The following C4orf50 variants were observed in gnomAD, a reference collection of about 807,000 sequenced individuals.
C4orf50 encodes chromosome 4 open reading frame 50.
C4orf50 carries 80 observed loss-of-function variants against 77.2 expected under a neutral mutation model. The ratio of observed to expected loss-of-function variants is 1.04; its 90% confidence interval spans 0.87 to 1.25. C4orf50 has a LOEUF of 1.25. Among genes scored for constraint, C4orf50 ranks in the 50% most tolerant of loss-of-function variants. The pLI is 0.00. For synonymous variants in C4orf50, 532 were observed against 465.3 expected (o/e 1.14, Z -1.84); for missense variants, 1,257 against 1,152.9 (o/e 1.09, Z -1.31).
intron 31 of C4orf50, 74 bp from the exon 10 acceptor site, chr4:5,967,536 G>A: frequency 7.5e-7 from 1 of 1,331,924 alleles, no homozygotes; most frequent in South Asian, 1.2e-5. Context: ...GACTGCAATT[G>A]GACCAAGCAG....
At position 5,970,163 on chromosome 4, in the gene C4orf50, G is replaced by A. The variant is rs1395121309; in HGVS notation, c.4105-2701C>T. Among the ~76,000 whole-genome samples, 10 of 149,562 alleles carry A rather than the reference G, an allele frequency of 6.7e-5. No individual in the cohort carries two copies. Among genetic ancestry groups the A allele is most frequent in the African/African-American group, 1.7e-4 (7 of 40,724 alleles). On this transcript the variant is annotated intron_variant, in intron 31 of 33. Transcript: ENST00000531445. The surrounding 1 kb of genome is among the most constrained non-coding windows in gnomAD (Gnocchi z 4.3). ...CAAAACACAGGAAAAAAAAAAAAAG[G>A]CCCACTGGGGCTAGGGGTCGGGGGG...
At chr4:5,931,976 G>A (rs1033310134) in intron 7 of C4orf50, among the ~76,000 whole-genome samples, 1 of 152,132 alleles carries the variant, frequency 6.6e-6, no homozygotes, top group East Asian at 1.9e-4. Context: ...GGAGAAGACA[G>A]GCAATGTCAC....
chr4:6,002,889 C>T (rs1018720801), intron 25 of C4orf50, among the ~76,000 whole-genome samples: 10 of 152,244 alleles, frequency 6.6e-5, no homozygotes, highest in Admixed American at 3.9e-4. Flanking sequence ...GAGCCTTCTG[C>T]CTCCTCTATG....
downstream of C4orf50, among the ~76,000 whole-genome samples, chr4:5,952,506 C>A (rs372674596): frequency 1.3e-5 from 2 of 152,168 alleles, no homozygotes; most frequent in African/African-American, 4.8e-5. This position sits in a 1 kb window ranked among gnomAD's most constrained non-coding sequence, Gnocchi z 4.4. Flanking sequence ...GTCTCTGGCC[C>A]CAGGCGGCAC....
At chr4:5,922,972 A>G (rs1201389340) in intron 7 of C4orf50, among the ~76,000 whole-genome samples, 1 of 152,160 alleles carries the variant, frequency 6.6e-6, no homozygotes, top group Non-Finnish European at 1.5e-5. Flanking sequence ...AGTAATCATC[A>G]TTCTAAACAT....
At chr4:5,931,589 G>A (rs544480023) in intron 7 of C4orf50, among the ~76,000 whole-genome samples, 6 of 152,190 alleles carry the variant, frequency 3.9e-5, no homozygotes, top group East Asian at 1.9e-4. Flanking sequence ...ATGTTTCCAC[G>A]CTCCAAACAC....
chr4:5,973,621 C>A, intron 31 of C4orf50, 38 bp downstream of exon 9: 1 of 1,561,170 alleles, frequency 6.4e-7, no homozygotes, highest in Middle Eastern at 1.7e-4. Context: ...CCCACACTCC[C>A]ATAGGAAGCA....
exon 34 of C4orf50, chr4:5,959,226 A>G: frequency 7.5e-6 from 7 of 929,406 alleles, no homozygotes; most frequent in Non-Finnish European, 8.1e-6. Context: ...AGCTCTGACA[A>G]TGAACACAAA....
intron 7 of C4orf50, among the ~76,000 whole-genome samples, chr4:5,912,496 C>A (rs1716852854): frequency 6.6e-6 from 1 of 152,154 alleles, no homozygotes; most frequent in South Asian, 2.1e-4. Flanking sequence ...AAATTACTTT[C>A]AAGGAAATGT....
intron 7 of C4orf50, among the ~76,000 whole-genome samples, chr4:5,922,582 AG>A (rs1717326800): frequency 6.6e-6 from 1 of 152,184 alleles, no homozygotes; most frequent in Admixed American, 6.5e-5. Context: ...TCTGCAGAAG[AG>A]GGCTTCGGGG....
At chr4:5,943,301 T>C (rs1718342120) in intron 7 of C4orf50, among the ~76,000 whole-genome samples, 2 of 152,216 alleles carry the variant, frequency 1.3e-5, no homozygotes, top group African/African-American at 2.4e-5. Context: ...CATGGTTCTG[T>C]TTCTTTGCAT....
rs1249874076 is a variant in C4orf50, at chr4:5,909,545, T to G, written c.*2475-11357A>C. On this transcript the variant is annotated intron_variant, in intron 7 of 7. Transcript: ENST00000324058. ...TCACAGTTGCATATTTTTGCTTTTG[T>G]TGCTTACACTTTTAAAGTCTTATCT... 2.0e-5 allele frequency among the ~76,000 whole-genome samples: 3 copies of G among 152,272 alleles called. No individual in the cohort carries two copies. In the East Asian group the frequency reaches 5.8e-4, roughly 29 times the overall value.
rs142117571 is a variant in C4orf50 at position 6,007,130 on chromosome 4, T to C, written c.963+866A>G. Among the ~76,000 whole-genome samples, 422 of 152,298 alleles carry C rather than the reference T, an allele frequency of 2.8e-3. 3 individuals carry two copies. The highest frequency in any genetic ancestry group is 9.3e-3 in the African/African-American group (388 of 41,562). On this transcript the variant is annotated intron_variant, in intron 25 of 33. Coordinates refer to ENST00000531445, the Ensembl canonical transcript of C4orf50. The surrounding 1 kb of genome is among the most constrained non-coding windows in gnomAD (Gnocchi z 4.1). ...CAATAAGGGATACAAGGTGGCTGGT[T>C]GGCTGCCTGACCAGTGGCCAGAGGG...
At chr4:5,915,687 C>A (rs1304676388) in intron 7 of C4orf50, among the ~76,000 whole-genome samples, 4 of 152,210 alleles carry the variant, frequency 2.6e-5, no homozygotes, top group Admixed American at 6.5e-5. Flanking sequence ...AGGTACCAAA[C>A]CAGCCCTGAT....
intron 7 of C4orf50, among the ~76,000 whole-genome samples, chr4:5,935,784 TAAAAAAAAAAAAAA>T (rs769910855): frequency 3.2e-4 from 10 of 31,478 alleles, no homozygotes; most frequent in South Asian, 1.2e-3. Flanking sequence ...AGACTCCGTC[TAAAAAAAAAAAAAA>T]AAAAAAAAAA....
At chr4:5,948,405 C>T (rs772319581) in intron 7 of C4orf50, among the ~76,000 whole-genome samples, 6 of 152,188 alleles carry the variant, frequency 3.9e-5, no homozygotes. Context: ...TGGCTTACGC[C>T]TGTAATATCC....
At chr4:5,975,418 C>T (rs1720216043) in intron 30 of C4orf50, among the ~76,000 whole-genome samples, 3 of 152,132 alleles carry the variant, frequency 2.0e-5, no homozygotes, top group African/African-American at 7.2e-5. Flanking sequence ...GGGAAACGTA[C>T]TGGAGGAAAA....
intron 29 of C4orf50, among the ~76,000 whole-genome samples, chr4:5,977,373 T>A (rs377577651): frequency 7.9e-5 from 12 of 152,328 alleles, no homozygotes; most frequent in African/African-American, 2.9e-4. Flanking sequence ...AACATACCTA[T>A]ATGGATCAGA....
intron 28 of C4orf50, among the ~76,000 whole-genome samples, chr4:5,986,133 A>G (rs2108786228): frequency 6.6e-6 from 1 of 152,348 alleles, no homozygotes; most frequent in Non-Finnish European, 1.5e-5. Context: ...AAGATAGAAG[A>G]GATTTTGTTA....
Sources: gnomAD v4.1 joint callset for allele counts (sites outside exome capture counted in the v4.1 genomes callset) on GRCh38, gnomAD v4.1.1 for gene constraint, Gnocchi (gnomAD v3.1) non-coding constraint, MANE v1.5 for transcripts, NCBI Gene and HGNC (gene_info 2026-07-23, HGNC 2026-07-21) for gene names.